The following DDHD1 variants were observed in gnomAD, a reference collection of about 807,000 sequenced individuals.
DDHD1 encodes DDHD domain containing 1.
Under a neutral mutation model 96.4 loss-of-function variants are expected in DDHD1, and 49 were observed. The observed-to-expected ratio is 0.51, with a 90% CI of 0.40 to 0.64. The LOEUF (loss-of-function observed/expected upper bound fraction) is 0.64, where lower values mean the gene tolerates loss of function less well. Ranked by LOEUF, DDHD1 falls within the 30% of genes least tolerant of loss-of-function variation. DDHD1 has a pLI of 0.00. For missense variants in DDHD1, 1,106 were observed against 1,161.2 expected (o/e 0.95, Z 0.69); for synonymous variants, 442 against 446.5 (o/e 0.99, Z 0.13).
At chr14:53,079,888 C>T (rs1430795083) in intron 4 of DDHD1, among the ~76,000 whole-genome samples, 1 of 151,956 alleles carries the variant, frequency 6.6e-6, no homozygotes, top group Non-Finnish European at 1.5e-5. Flanking sequence ...TGGGATAGTA[C>T]CTGGAAGTAG....
At chr14:53,134,326 T>A (rs572117384) in intron 1 of DDHD1, among the ~76,000 whole-genome samples, 2 of 152,194 alleles carry the variant, frequency 1.3e-5, no homozygotes, top group Non-Finnish European at 2.9e-5. Flanking sequence ...TCAGCCACTC[T>A]TGACTCCCTC....
chr14:53,094,441 T>C (rs1053855934), intron 2 of DDHD1, among the ~76,000 whole-genome samples: 1 of 152,126 alleles, frequency 6.6e-6, no homozygotes, highest in African/African-American at 2.4e-5. Flanking sequence ...GTCAGTCACG[T>C]CTGTAATCCA....
chr14:53,046,118 G>A lies in DDHD1; in HGVS notation c.*650C>T, dbSNP rs2139802843. ...ACAAAGATGGAGTTCTGAGAAAAAA[G>A]GGTTTATCACTATAGAAAATAAATC... On this transcript the variant is annotated 3_prime_UTR_variant, in exon 13 of 13. Coordinates refer to ENST00000673822, the MANE Select transcript of DDHD1 (RefSeq NM_001160148.2). The A allele has an allele frequency of 1.3e-5, 2 of 152,156 alleles. No individual in the cohort carries two copies. The highest frequency in any genetic ancestry group is 4.1e-4 in the South Asian group (2 of 4,822). The allele number at this position is 152,156 out of a possible 1,614,324, so 9.4% of individuals were successfully genotyped here.
intron 4 of DDHD1, among the ~76,000 whole-genome samples, chr14:53,074,555 T>C (rs966061427): frequency 3.3e-5 from 5 of 151,924 alleles, no homozygotes; most frequent in African/African-American, 4.8e-5. Context: ...TCAGCAAATA[T>C]GTAGTTCAGT....
At chr14:53,116,371 T>G (rs548137064) in intron 1 of DDHD1, among the ~76,000 whole-genome samples, 45 of 152,252 alleles carry the variant, frequency 3.0e-4, no homozygotes, top group African/African-American at 1.1e-3. Flanking sequence ...TGGACCAAGA[T>G]GACCTAATAG....
rs954776046 is a variant in DDHD1 at position 53,051,983 on chromosome 14, C to T, written c.2438-56G>A. On this transcript the variant is annotated intron_variant, in intron 11 of 12. Coordinates refer to ENST00000673822, the MANE Select transcript of DDHD1 (RefSeq NM_001160148.2). ...GGGTTGGCTGATGATTAAAAATGGC[C>T]TTCAATGATGTAGTGGCCAAAAGTT... is the stretch of plus-strand genomic sequence containing the variant. 6.5e-6 allele frequency: 9 copies of T among 1,386,422 alleles called. No individual in the cohort carries two copies. In the Admixed American group the frequency reaches 9.9e-5, roughly 15 times the overall value. 85.9% of individuals were successfully genotyped at this position (1,386,422 alleles called of 1,614,324 possible). A position where few individuals can be genotyped will look rare whatever the true frequency, so the allele number is the denominator to read the frequency against.
chr14:53,146,420 C>T (rs1890986171), intron 1 of DDHD1, among the ~76,000 whole-genome samples: 1 of 150,114 alleles, frequency 6.7e-6, no homozygotes, highest in Non-Finnish European at 1.5e-5. Flanking sequence ...AGGAGAATCG[C>T]TTGAACCTGG....
chr14:53,094,568 G>C (rs1595165137), intron 2 of DDHD1, among the ~76,000 whole-genome samples: 1 of 151,084 alleles, frequency 6.6e-6, no homozygotes. Context: ...AGCTGGGCAT[G>C]GTGATATGTG....
chr14:53,118,298 T>C (rs528042535), intron 1 of DDHD1, among the ~76,000 whole-genome samples: 2 of 152,296 alleles, frequency 1.3e-5, no homozygotes, highest in East Asian at 1.9e-4. Context: ...GGAACAAAAC[T>C]GGATGGAGAA....
intron 1 of DDHD1, among the ~76,000 whole-genome samples, chr14:53,126,809 G>GA (rs1889476586): frequency 6.6e-6 from 1 of 151,792 alleles, no homozygotes; most frequent in African/African-American, 2.4e-5. Flanking sequence ...TTAAAGTTTT[G>GA]AAAAAATGTA....
In DDHD1 at chr14:53,118,986, A is replaced by G. The variant is rs536475613; in HGVS notation, c.839-15130T>C. Among the ~76,000 whole-genome samples the G allele has an allele frequency of 3.6e-3, 556 of 152,340 alleles. 6 individuals are homozygous for G. Among genetic ancestry groups the G allele is most frequent in the African/African-American group, 0.013 (530 of 41,576 alleles). On this transcript the variant is annotated intron_variant, in intron 1 of 12. Transcript: ENST00000673822. ...TCTCTTGGCAGAAACTCTACAAGCC[A>G]GAAGAGAGTGGGGGCCAATATTCAA...
rs372721953 is a variant in DDHD1 at position 53,060,183 on chromosome 14, T to G, written c.1842+943A>C. On this transcript the variant is annotated intron_variant, in intron 8 of 12. Transcript: ENST00000673822. Reference sequence around the variant, plus strand: ...CAGTATACTAGACATGAGCAAATACTCAACAGGAAATGAGTATTAGGAAAC... The same window carrying G: ...CAGTATACTAGACATGAGCAAATACGCAACAGGAAATGAGTATTAGGAAAC... 6.2e-4 allele frequency among the ~76,000 whole-genome samples: 94 copies of G among 152,270 alleles called. 1 individual carries two copies. The highest frequency in any genetic ancestry group is 2.1e-3 in the African/African-American group (89 of 41,564).
chr14:53,103,641 A>G, intron 2 of DDHD1, 42 bp downstream of exon 2: 1 of 1,453,954 alleles, frequency 6.9e-7, no homozygotes, highest in Admixed American at 2.2e-5. Context: ...TCAACAACTT[A>G]CTTGGTTTGT....
chr14:53,124,475 AT>A (rs1362273284), intron 1 of DDHD1, among the ~76,000 whole-genome samples: 1 of 152,164 alleles, frequency 6.6e-6, no homozygotes, highest in African/African-American at 2.4e-5. Flanking sequence ...GTAGTTAGCA[AT>A]TATATAGAAT....
At chr14:53,152,219 CA>C in intron 1 of DDHD1, 41 bp downstream of exon 1, 4 of 1,536,948 alleles carry the variant, frequency 2.6e-6, no homozygotes, top group Non-Finnish European at 3.5e-6. Flanking sequence ...TCGGCCCATG[CA>C]GGGGCAGCCC....
intron 3 of DDHD1, 165 bp downstream of exon 3, chr14:53,093,151 G>C (rs927289496): frequency 1.7e-5 from 9 of 544,532 alleles, no homozygotes; most frequent in Middle Eastern, 5.2e-4. Flanking sequence ...ATGAACACAT[G>C]TCAACTCAAT....
chr14:53,049,993 C>T (rs1882394731), intron 12 of DDHD1, among the ~76,000 whole-genome samples: 1 of 152,126 alleles, frequency 6.6e-6, no homozygotes, highest in South Asian at 2.1e-4. Context: ...TCATCAGTAG[C>T]GTGCTTTCAT....
chr14:53,080,098 G>A (rs1016791290), intron 4 of DDHD1, among the ~76,000 whole-genome samples: 12 of 152,152 alleles, frequency 7.9e-5, no homozygotes, highest in Non-Finnish European at 1.8e-4. Flanking sequence ...CATTGCTCAC[G>A]CCTGTAATCC....
intron 1 of DDHD1, among the ~76,000 whole-genome samples, chr14:53,124,122 C>A (rs1760829280): frequency 6.6e-6 from 1 of 151,860 alleles, no homozygotes; most frequent in Non-Finnish European, 1.5e-5. Context: ...TTAATTCCAG[C>A]TACTCAGGAG....
Sources: gnomAD v4.1 joint callset for allele counts (sites outside exome capture counted in the v4.1 genomes callset) on GRCh38, gnomAD v4.1.1 for gene constraint, MANE v1.5 for transcripts, NCBI Gene and HGNC (gene_info 2026-07-23, HGNC 2026-07-21) for gene names.